Variants in ARID5B observed in about 807,000 individuals in gnomAD.
ARID5B encodes the protein AT-rich interaction domain 5B, also known as AT-rich interactive domain-containing protein 5B.
A neutral mutation model predicts 97.2 loss-of-function variants in ARID5B; 13 were observed. That is an observed-to-expected ratio of 0.13 (90% CI 0.09 to 0.21). The LOEUF (loss-of-function observed/expected upper bound fraction) is 0.21. Among genes scored for constraint, ARID5B ranks in the 10% least tolerant of loss-of-function variants. ARID5B has a pLI of 1.00. For missense variants in ARID5B, 1,210 were observed against 1,465.3 expected, an observed-to-expected ratio of 0.83 and a Z score of 2.84; for synonymous variants, 556 against 570.3, an observed-to-expected ratio of 0.97 and a Z score of 0.36.
intron 3 of ARID5B, among the ~76,000 whole-genome samples, chr10:61,967,952 T>C (rs1056310883): frequency 1.7e-4 from 26 of 152,074 alleles, no homozygotes; most frequent in African/African-American, 5.8e-4. Context: ...TTATTTTTCT[T>C]GGTTTATTCA....
intron 3 of ARID5B, among the ~76,000 whole-genome samples, chr10:61,965,420 A>G (rs1379377974): frequency 6.6e-6 from 1 of 152,120 alleles, no homozygotes; most frequent in Non-Finnish European, 1.5e-5. Context: ...CCATTCATGA[A>G]CCCACAGAGT....
intron 2 of ARID5B, among the ~76,000 whole-genome samples, chr10:61,932,365 G>C (rs1465641430): frequency 6.6e-6 from 1 of 151,952 alleles, no homozygotes; most frequent in Non-Finnish European, 1.5e-5. Context: ...GGTTGCTGAA[G>C]GTTAGGGTGA....
intron 3 of ARID5B, among the ~76,000 whole-genome samples, chr10:61,957,036 G>GT (rs1838400950): frequency 6.6e-6 from 1 of 151,976 alleles, no homozygotes; most frequent in Admixed American, 6.6e-5. Context: ...CTTTTAAATT[G>GT]TTTTTCTGAA....
chr10:62,063,428 T>C (rs1839947267), intron 7 of ARID5B, among the ~76,000 whole-genome samples: 1 of 152,212 alleles, frequency 6.6e-6, no homozygotes, highest in Non-Finnish European at 1.5e-5. Context: ...TGTTTGTGGT[T>C]ATAAACTATT....
At chr10:62,066,153 G>A (rs549564749) in intron 7 of ARID5B, among the ~76,000 whole-genome samples, 27 of 152,316 alleles carry the variant, frequency 1.8e-4, no homozygotes, top group African/African-American at 6.3e-4. Flanking sequence ...CACAATTAAA[G>A]CATGTTAATA....
At chr10:61,902,533 T>G in intron 2 of ARID5B, 120 bp downstream of exon 2, 1 of 1,360,254 alleles carries the variant, frequency 7.4e-7, no homozygotes, top group South Asian at 1.4e-5. Context: ...ATCGACTCCT[T>G]TTTTAAAGGG....
In ARID5B at chr10:62,000,161, G is replaced by A. The variant is rs1458031698; in HGVS notation, c.573G>A (p.Leu191=). ...AGTACTGCCGGTACCGCTCGATGCT[G>A]AAACGCATCCAGGATAAGCCATCTT... ...YPQYCRYRSM[L]KRIQDKPSSI... is the part of the protein sequence containing the mutation. Residue 191 remains leucine (L), a synonymous_variant, in exon 4 of 10, where the codon CTG becomes CTA. Coordinates refer to ENST00000279873, the MANE Select transcript of ARID5B (RefSeq NM_032199.3). This position sits in a 1 kb window ranked among gnomAD's most constrained non-coding sequence, Gnocchi z 4.4. The A allele has an allele frequency of 2.5e-6, 4 of 1,614,054 alleles. No individual in the cohort carries two copies. The highest frequency in any genetic ancestry group is 3.4e-6 in the Non-Finnish European group (4 of 1,179,948).
chr10:62,013,217 A>G (rs1196001951), intron 4 of ARID5B, among the ~76,000 whole-genome samples: 1 of 152,206 alleles, frequency 6.6e-6, no homozygotes, highest in Non-Finnish European at 1.5e-5. Context: ...TGATTTTCAC[A>G]TGTGCATCAA....
chr10:61,987,875 G>A (rs1441611121), intron 3 of ARID5B, among the ~76,000 whole-genome samples: 1 of 152,192 alleles, frequency 6.6e-6, no homozygotes, highest in African/African-American at 2.4e-5. Context: ...AATTAATATA[G>A]TAGTCACGAG....
chr10:62,096,680 T>C lies in ARID5B; in HGVS notation c.*3650T>C. ...CCTCTATGCTCTGTAAGGTGATTAT[T>C]TGTATATAGCAACATGGCCCAGTGA... On this transcript the variant is annotated 3_prime_UTR_variant, in exon 10 of 10. Transcript: ENST00000279873. 4.3e-6 allele frequency: 1 copy of C among 233,618 alleles called. No homozygotes were observed. The highest frequency in any genetic ancestry group is 8.5e-6 in the Non-Finnish European group (1 of 118,008). The allele number at this position is 233,618 out of a possible 1,614,324, so 14.5% of individuals were successfully genotyped here.
intron 3 of ARID5B, 61 bp downstream of exon 3, chr10:61,940,469 A>C: frequency 7.1e-7 from 1 of 1,418,268 alleles, no homozygotes; most frequent in Non-Finnish European, 9.6e-7. Context: ...TTTTCGGTTG[A>C]AGATTTTTCT....
At chr10:62,074,456 G>A (rs943349649) in intron 8 of ARID5B, among the ~76,000 whole-genome samples, 1 of 152,204 alleles carries the variant, frequency 6.6e-6, no homozygotes, top group African/African-American at 2.4e-5. Flanking sequence ...GGCAGATACT[G>A]GGTGATAGCT....
At chr10:61,904,729 CT>C (rs1286578603) in intron 2 of ARID5B, among the ~76,000 whole-genome samples, 4 of 152,160 alleles carry the variant, frequency 2.6e-5, no homozygotes, top group African/African-American at 9.7e-5. Flanking sequence ...AGGACTTTGG[CT>C]GATGTCATTG....
Position 61,981,529 on chromosome 10 carries a change from G to A in ARID5B, c.503-18562G>A, listed in dbSNP as rs574482613. 5.3e-5 allele frequency among the ~76,000 whole-genome samples: 8 copies of A among 152,184 alleles called. No individual in the cohort carries two copies. In the South Asian group the frequency reaches 6.2e-4, roughly 12 times the overall value. On this transcript the variant is annotated intron_variant, in intron 3 of 9. Transcript: ENST00000279873. Reference sequence around the variant, plus strand: ...ACTCCTGACCTCAAGTGATCCACCCGACTCAGCCTCCCAAAGTGCTGGGAT... The same window carrying A: ...ACTCCTGACCTCAAGTGATCCACCCAACTCAGCCTCCCAAAGTGCTGGGAT...
At chr10:62,088,122 C>G (rs576609507) in intron 9 of ARID5B, among the ~76,000 whole-genome samples, 1 of 152,218 alleles carries the variant, frequency 6.6e-6, no homozygotes, top group Admixed American at 6.5e-5. Context: ...CTGCCTTGGC[C>G]TCCCAACGTG....
chr10:62,003,254 G>T (rs1049338555), intron 4 of ARID5B, among the ~76,000 whole-genome samples: 5 of 152,148 alleles, frequency 3.3e-5, no homozygotes, highest in Non-Finnish European at 7.3e-5. Flanking sequence ...CACCTGAAAG[G>T]TTAACTAATG....
At chr10:61,936,783 C>A (rs1362590678) in intron 2 of ARID5B, among the ~76,000 whole-genome samples, 2 of 147,302 alleles carry the variant, frequency 1.4e-5, no homozygotes, top group African/African-American at 5.0e-5. Flanking sequence ...TGAGTCCTGG[C>A]AATTACTGCT....
intron 2 of ARID5B, among the ~76,000 whole-genome samples, chr10:61,929,318 T>C (rs6479778): frequency 0.84 from 128,484 of 152,118 alleles, 54,440 homozygotes; most frequent in African/African-American, 0.89. Context: ...GAGTATGCCA[T>C]GCTTTCCTGT....
chr10:61,932,881 A>T (rs1169983286), intron 2 of ARID5B, among the ~76,000 whole-genome samples: 2 of 152,192 alleles, frequency 1.3e-5, no homozygotes, highest in Non-Finnish European at 1.5e-5. Context: ...GGATTGCTTG[A>T]GGCTAGGAGT....
Sources: gnomAD v4.1 joint callset for allele counts (sites outside exome capture counted in the v4.1 genomes callset) on GRCh38, gnomAD v4.1.1 for gene constraint, Gnocchi (gnomAD v3.1) non-coding constraint, MANE v1.5 for transcripts, NCBI Gene and HGNC (gene_info 2026-07-23, HGNC 2026-07-21) for gene names.